Variants in INTS8 observed in about 807,000 individuals in gnomAD.
INTS8 encodes integrator complex subunit 8, also known as protein kaonashi-1.
In INTS8, 47 loss-of-function variants were observed where a neutral mutation model predicts 138.9. The ratio of observed to expected loss-of-function variants is 0.34; its 90% CI spans 0.27 to 0.43. The LOEUF (loss-of-function observed/expected upper bound fraction) is 0.43. Ranked by LOEUF, INTS8 falls within the 20% of genes least tolerant of loss-of-function variation. The pLI, the probability that INTS8 is intolerant of heterozygous loss-of-function variation, is 1.00. For missense variants in INTS8, 996 were observed against 1,173.0 expected, an observed-to-expected ratio of 0.85 and a Z score of 2.20; for synonymous variants, 392 against 400.9, an observed-to-expected ratio of 0.98 and a Z score of 0.27.
At position 94,841,503 on chromosome 8, in the gene INTS8, A is replaced by G. The variant is rs1815131259; in HGVS notation, c.1030A>G (p.Ile344Val). The change falls in exon 9 of 27, where the codon ATT (isoleucine) becomes GTT (valine). Residue 344 changes from isoleucine to valine, a missense_variant. Coordinates refer to ENST00000523731, the MANE Select transcript of INTS8 (RefSeq NM_017864.4). Reference sequence around the variant, plus strand: ...GTGTGTGTTCTAGGAGGTAATACAGATTTTCATTGAAGACAACTTAACCTT... The same window carrying G: ...GTGTGTGTTCTAGGAGGTAATACAGGTTTTCATTGAAGACAACTTAACCTT... ...RSGNYQEVIQIFIEDNLTLSL... is the reference protein window; with the variant it reads ...RSGNYQEVIQVFIEDNLTLSL... 1 of 1,591,750 alleles carries G rather than the reference A, an allele frequency of 6.3e-7. No individual in the cohort carries two copies. Among genetic ancestry groups the G allele is most frequent in the Non-Finnish European group, 8.6e-7 (1 of 1,163,618 alleles).
chr8:94,876,221 T>C lies in INTS8; in HGVS notation c.2763T>C (p.Ser921=). The C allele has an allele frequency of 6.2e-7, 1 of 1,612,022 alleles. No individual in the cohort carries two copies. The highest frequency in any genetic ancestry group is 8.5e-7 in the Non-Finnish European group (1 of 1,178,612). ...GAAGTAACTGAATTCTGTCTTTCAG[T>C]CATGATGCTATGGACTCCTACTACG... is the stretch of plus-strand genomic sequence containing the variant. ...TAFKSLQEQN[S]HDAMDSYYDY... The change falls in exon 25 of 27, where the codon AGT becomes AGC. Residue 921 remains serine (S), a splice_region_variant and synonymous_variant. Transcript: ENST00000523731.
At chr8:94,842,631 C>A in intron 10 of INTS8, 143 bp downstream of exon 10, 1 of 595,148 alleles carries the variant, frequency 1.7e-6, no homozygotes, top group South Asian at 2.2e-5. Flanking sequence ...ACAGACTATG[C>A]CCTTCCGCCT....
rs140864756 is a variant in INTS8, at chr8:94,846,308, C to T, written c.1261-3154C>T. On this transcript the variant is annotated intron_variant, in intron 10 of 26. Coordinates refer to ENST00000523731, the MANE Select transcript of INTS8 (RefSeq NM_017864.4). ...TTTTTCTTTGAGATGGAGTTTCTTTCTTGTTGCCCAGGCTGCAGTGCAATG... is the reference window on the plus strand; with the variant it reads ...TTTTTCTTTGAGATGGAGTTTCTTTTTTGTTGCCCAGGCTGCAGTGCAATG... 2.4e-3 allele frequency among the ~76,000 whole-genome samples: 371 copies of T among 151,904 alleles called. 3 individuals carry two copies. The highest frequency in any genetic ancestry group is 8.6e-3 in the African/African-American group (358 of 41,420).
chr8:94,875,838 T>C, intron 23 of INTS8: 1 of 433,804 alleles, frequency 2.3e-6, no homozygotes, highest in Non-Finnish European at 4.2e-6. Context: ...AACTGGCTTT[T>C]TGCCAGCTTC....
At chr8:94,843,655 G>A (rs993614130) in intron 10 of INTS8, among the ~76,000 whole-genome samples, 1 of 151,978 alleles carries the variant, frequency 6.6e-6, no homozygotes, top group South Asian at 2.1e-4. Flanking sequence ...TATAGTTTTT[G>A]GCTGTATACA....
chr8:94,850,997 T>C (rs1214664584), intron 12 of INTS8, among the ~76,000 whole-genome samples: 3 of 152,220 alleles, frequency 2.0e-5, no homozygotes, highest in African/African-American at 7.2e-5. Context: ...ACTGGTTGAA[T>C]GTCCAGTTGT....
At position 94,824,989 on chromosome 8, in the gene INTS8, A is replaced by G; in HGVS notation, c.227A>G (p.Lys76Arg). 6.2e-7 allele frequency: 1 copy of G among 1,612,926 alleles called. No individual in the cohort carries two copies. The highest frequency in any genetic ancestry group is 8.5e-7 in the Non-Finnish European group (1 of 1,179,026). Residue 76 changes from lysine to arginine, a missense_variant, in exon 2 of 27, where the codon AAG becomes AGG. By Grantham distance (26) the Lys-to-Arg change is conservative. Transcript: ENST00000523731. ...CAAGTTCAACCTCCGCCTGATAACA[A>G]GAGAAATCGTATTTTAAAACTACTT... ...QNQVQPPPDN[K>R]RNRILKLLAL...
rs1304117034 is a variant in INTS8 at position 94,823,490 on chromosome 8, C to T, written c.59C>T (p.Pro20Leu). ...AATSSRPCTP[P>L]QTCWFEFLLE... ...ACCTCCAGCCGGCCCTGCACCCCGC[C>T]GCAGACCTGCTGGTTTGAGTTTCTG... The change falls in exon 1 of 27, where the codon CCG (proline) becomes CTG (leucine). Residue 20 changes from proline to leucine, a missense_variant. Transcript: ENST00000523731. 2 of 1,555,356 alleles carry T rather than the reference C, an allele frequency of 1.3e-6. No homozygotes were observed. Among genetic ancestry groups the T allele is most frequent in the African/African-American group, 1.4e-5 (1 of 73,474 alleles).
rs1161432404 is a variant in INTS8 at position 94,836,682 on chromosome 8, T to C, written c.861+51T>C. 6 of 1,143,790 alleles carry C rather than the reference T, an allele frequency of 5.2e-6. No homozygotes were observed. In the Middle Eastern group the frequency reaches 9.9e-4, roughly 189 times the overall value. 70.9% of individuals were successfully genotyped at this position (1,143,790 alleles called of 1,614,324 possible). A position where few individuals can be genotyped will look rare whatever the true frequency, so the allele number is the denominator to read the frequency against. Reference sequence around the variant, plus strand: ...AATGTTCAGTTCTTTAAAACATCTATACATTTTTTTGGCTTTGATTTTTCT... The same window carrying C: ...AATGTTCAGTTCTTTAAAACATCTACACATTTTTTTGGCTTTGATTTTTCT... On this transcript the variant is annotated intron_variant, in intron 7 of 26. Coordinates refer to ENST00000523731, the MANE Select transcript of INTS8 (RefSeq NM_017864.4).
intron 20 of INTS8, among the ~76,000 whole-genome samples, chr8:94,870,504 G>A (rs960376826): frequency 5.3e-5 from 8 of 152,158 alleles, no homozygotes; most frequent in African/African-American, 1.7e-4. Flanking sequence ...TCTCCTGAGT[G>A]GGACTCTTTA....
At chr8:94,867,427 T>C in intron 20 of INTS8, 90 bp downstream of exon 20, 1 of 891,840 alleles carries the variant, frequency 1.1e-6, no homozygotes, top group Non-Finnish European at 1.8e-6. Context: ...ATAATTTTAT[T>C]AAAGGGCCAG....
intron 21 of INTS8, 35 bp from the exon 22 acceptor site, chr8:94,873,339 A>G (rs370641941): frequency 3.3e-5 from 47 of 1,417,010 alleles, no homozygotes; most frequent in Non-Finnish European, 4.6e-5. Context: ...TTCAACTGTT[A>G]CCTCTAATGC....
chr8:94,872,635 T>C (rs1816437603), intron 21 of INTS8, among the ~76,000 whole-genome samples: 1 of 152,222 alleles, frequency 6.6e-6, no homozygotes, highest in Non-Finnish European at 1.5e-5. Flanking sequence ...TGATCATTAT[T>C]TTTATTCTTG....
At chr8:94,870,886 C>T (rs1816371344) in intron 20 of INTS8, among the ~76,000 whole-genome samples, 1 of 152,038 alleles carries the variant, frequency 6.6e-6, no homozygotes, top group South Asian at 2.1e-4. Context: ...TTTTTGGGTG[C>T]CGGCCTCGCT....
chr8:94,837,636 C>T (rs78471470), intron 7 of INTS8, among the ~76,000 whole-genome samples: 4,288 of 151,964 alleles, frequency 0.028, 85 homozygotes, highest in Middle Eastern at 0.048. Flanking sequence ...TTGCTCGCTC[C>T]TTTAAATCTC....
rs555936596 is a variant in INTS8 at position 94,825,391 on chromosome 8, T to C, written c.305+324T>C. Among the ~76,000 whole-genome samples, 93 of 150,322 alleles carry C rather than the reference T, an allele frequency of 6.2e-4. 1 individual carries two copies. In the South Asian group the frequency reaches 0.019, roughly 31 times the overall value. ...AGGTTGCAGTGAGCCGAGATGGCGC[T>C]ACTGCACTCCAGCCTGGGCGATAGA... On this transcript the variant is annotated intron_variant, in intron 2 of 26. Transcript: ENST00000523731.
intron 16 of INTS8, among the ~76,000 whole-genome samples, chr8:94,863,168 G>T (rs893339108): frequency 6.6e-6 from 1 of 152,216 alleles, no homozygotes; most frequent in African/African-American, 2.4e-5. Flanking sequence ...GTAGTGGGGG[G>T]TTGGCAGCCA....
At chr8:94,834,365 GTGT>G (rs1214152845) in intron 6 of INTS8, among the ~76,000 whole-genome samples, 3 of 46,190 alleles carry the variant, frequency 6.5e-5, no homozygotes, top group African/African-American at 2.2e-4. Context: ...GTGCATGGGT[GTGT>G]GTGTGTGTGT....
chr8:94,839,590 T>G (rs78727559), intron 8 of INTS8, among the ~76,000 whole-genome samples: 7,278 of 152,240 alleles, frequency 0.048, 228 homozygotes, highest in Middle Eastern at 0.065. Context: ...TTTTTAAAAG[T>G]ATTGCTTTGT....
Sources: allele counts gnomAD v4.1 joint callset (sites outside exome capture counted in the v4.1 genomes callset), GRCh38; gene constraint gnomAD v4.1.1; transcripts MANE v1.5; gene names NCBI Gene and HGNC (gene_info 2026-07-23, HGNC 2026-07-21).